STPG2: variants seen among roughly 807,000 people sequenced by gnomAD.
STPG2 encodes the protein sperm-tail PG-rich repeat-containing protein 2.
A neutral mutation model predicts 54.2 loss-of-function variants in STPG2; 56 were observed. The ratio of observed to expected loss-of-function variants is 1.03; its 90% confidence interval spans 0.83 to 1.29. The LOEUF (loss-of-function observed/expected upper bound fraction) is 1.29. Among genes scored for constraint, STPG2 ranks in the 50% most tolerant of loss-of-function variants. The pLI is 0.00. For missense variants in STPG2, 596 were observed against 544.9 expected (o/e 1.09, Z -0.93); for synonymous variants, 200 against 181.8 (o/e 1.10, Z -0.81).
chr4:98,121,790 C>T (rs1410020983), intron 3 of STPG2, among the ~76,000 whole-genome samples: 2 of 151,940 alleles, frequency 1.3e-5, no homozygotes, highest in African/African-American at 4.8e-5. Context: ...GGCATGATCT[C>T]GGCTCACTGC....
chr4:97,645,531 A>T (rs1231693392), intron 10 of STPG2, among the ~76,000 whole-genome samples: 7 of 152,184 alleles, frequency 4.6e-5, no homozygotes, highest in African/African-American at 1.4e-4. Context: ...AACCTTTGCC[A>T]TGTGGCATAT....
chr4:98,093,514 A>G (rs1738752673), intron 5 of STPG2, among the ~76,000 whole-genome samples: 1 of 152,212 alleles, frequency 6.6e-6, no homozygotes, highest in Non-Finnish European at 1.5e-5. Context: ...AGCCTACACC[A>G]TTCATCTCTC....
chr4:97,661,350 T>C (rs1225729900), intron 10 of STPG2, among the ~76,000 whole-genome samples: 2 of 152,154 alleles, frequency 1.3e-5, no homozygotes, highest in Admixed American at 6.5e-5. Flanking sequence ...ACATTATCAA[T>C]AAAATGAGGA....
chr4:97,518,464 A>C (rs1164602303), intron 4 of STPG2, among the ~76,000 whole-genome samples: 2 of 152,110 alleles, frequency 1.3e-5, no homozygotes, highest in Non-Finnish European at 2.9e-5. Context: ...CAAATCACCC[A>C]CTAAAACCCT....
At chr4:98,047,095 A>C (rs1737152739) in intron 5 of STPG2, among the ~76,000 whole-genome samples, 1 of 151,962 alleles carries the variant, frequency 6.6e-6, no homozygotes, top group Non-Finnish European at 1.5e-5. Flanking sequence ...CACTAGCCAG[A>C]AGGAGTAGCC....
At chr4:97,553,792 T>C (rs1403142315) in intron 4 of STPG2, among the ~76,000 whole-genome samples, 1 of 152,182 alleles carries the variant, frequency 6.6e-6, no homozygotes, top group East Asian at 1.9e-4. Context: ...GCCCTCTCTT[T>C]GGTTTGGACT....
chr4:97,555,356 C>G (rs1208335788), downstream of STPG2, among the ~76,000 whole-genome samples: 3 of 151,956 alleles, frequency 2.0e-5, no homozygotes, highest in Non-Finnish European at 4.4e-5. Flanking sequence ...ACAGGGAGTC[C>G]CAGCAAAGAA....
chr4:98,024,702 T>C (rs1736357875), intron 5 of STPG2, among the ~76,000 whole-genome samples: 1 of 152,242 alleles, frequency 6.6e-6, no homozygotes, highest in Non-Finnish European at 1.5e-5. Flanking sequence ...TGATATTATA[T>C]AACATTTGAT....
At chr4:97,829,178 C>A (rs1728360134) in intron 9 of STPG2, among the ~76,000 whole-genome samples, 1 of 152,140 alleles carries the variant, frequency 6.6e-6, no homozygotes, top group Non-Finnish European at 1.5e-5. Context: ...GAGGAAGGAA[C>A]AGGCGGCAAT....
intron 10 of STPG2, among the ~76,000 whole-genome samples, chr4:97,636,529 T>C (rs1217666075): frequency 6.7e-6 from 1 of 148,582 alleles, no homozygotes; most frequent in Non-Finnish European, 1.5e-5. Flanking sequence ...CAAAAAACCC[T>C]TCAAAAAATT....
At chr4:98,028,947 G>C (rs1040392351) in intron 5 of STPG2, among the ~76,000 whole-genome samples, 4 of 151,762 alleles carry the variant, frequency 2.6e-5, no homozygotes, top group African/African-American at 9.7e-5. Context: ...TTCACCTATG[G>C]TTTATTTGGA....
intron 1 of STPG2, among the ~76,000 whole-genome samples, chr4:98,142,504 G>A (rs780034822): frequency 6.6e-6 from 1 of 151,986 alleles, no homozygotes; most frequent in Non-Finnish European, 1.5e-5. Context: ...TTTACAGAAT[G>A]TGGAGAAAAG....
At chr4:98,109,646 GA>G (rs1158201672) in intron 3 of STPG2, among the ~76,000 whole-genome samples, 1 of 152,008 alleles carries the variant, frequency 6.6e-6, no homozygotes, top group African/African-American at 2.4e-5. Flanking sequence ...AGAGAGAGGG[GA>G]TAACATTATT....
At chr4:97,864,389 T>C (rs1165428156) in intron 8 of STPG2, among the ~76,000 whole-genome samples, 1 of 152,112 alleles carries the variant, frequency 6.6e-6, no homozygotes, top group Non-Finnish European at 1.5e-5. Context: ...ACAAGGGACG[T>C]GAAGGATCTC....
intron 5 of STPG2, among the ~76,000 whole-genome samples, chr4:98,048,083 C>T (rs783924): frequency 0.53 from 69,328 of 131,542 alleles, 16,159 homozygotes; most frequent in Admixed American, 0.62. Context: ...ATGCTAGGGA[C>T]AAAAGTATGG....
intron 4 of STPG2, among the ~76,000 whole-genome samples, chr4:97,539,688 T>C (rs1489137531): frequency 1.3e-5 from 2 of 152,070 alleles, no homozygotes; most frequent in East Asian, 1.9e-4. Context: ...CTGCACCTAA[T>C]AGACCTAAGT....
intron 9 of STPG2, among the ~76,000 whole-genome samples, chr4:97,816,586 G>A (rs1727917848): frequency 6.6e-6 from 1 of 152,086 alleles, no homozygotes; most frequent in Non-Finnish European, 1.5e-5. Context: ...ATTAGTATTT[G>A]AATTGGTAGA....
intron 5 of STPG2, among the ~76,000 whole-genome samples, chr4:98,005,367 T>C (rs979627094): frequency 1.3e-5 from 2 of 152,196 alleles, no homozygotes; most frequent in African/African-American, 4.8e-5. Context: ...TGACACTTAG[T>C]ATTAATCATC....
At chr4:97,789,635 T>C (rs532824025) in intron 9 of STPG2, among the ~76,000 whole-genome samples, 34 of 152,346 alleles carry the variant, frequency 2.2e-4, no homozygotes, top group African/African-American at 7.7e-4. Flanking sequence ...AATGATTATA[T>C]ACGAACTATT....
Sources: allele counts gnomAD v4.1 joint callset (sites outside exome capture counted in the v4.1 genomes callset), GRCh38; gene constraint gnomAD v4.1.1; transcripts MANE v1.5; gene names NCBI Gene and HGNC (gene_info 2026-07-23, HGNC 2026-07-21).